The following AIG1 variants were observed in gnomAD, a reference collection of about 807,000 sequenced individuals.
AIG1 encodes the protein androgen-induced gene 1 protein.
AIG1 carries 23 observed loss-of-function variants against 31.4 expected under a neutral mutation model. That is an observed-to-expected ratio of 0.73 (90% CI 0.53 to 1.04). AIG1 has a LOEUF of 1.04. Ranked by LOEUF, AIG1 falls within the 50% of genes least tolerant of loss-of-function variation. AIG1 has a pLI of 0.00. For missense variants in AIG1, 274 were observed against 295.0 expected, an observed-to-expected ratio of 0.93 and a Z score of 0.52; for synonymous variants, 100 against 110.5, an observed-to-expected ratio of 0.90 and a Z score of 0.60.
intron 4 of AIG1, among the ~76,000 whole-genome samples, chr6:143,304,655 A>G (rs1171448073): frequency 1.3e-5 from 2 of 151,442 alleles, no homozygotes; most frequent in Non-Finnish European, 2.9e-5. Flanking sequence ...TTTTTGCATC[A>G]ATGTTCATCA....
chr6:143,277,519 A>C (rs1273219612), intron 3 of AIG1, among the ~76,000 whole-genome samples: 4 of 152,214 alleles, frequency 2.6e-5, no homozygotes, highest in African/African-American at 9.7e-5. Context: ...GCACATGCAC[A>C]CTGCCATCTT....
At chr6:143,159,109 C>G (rs1786081142) in intron 2 of AIG1, among the ~76,000 whole-genome samples, 1 of 152,156 alleles carries the variant, frequency 6.6e-6, no homozygotes, top group African/African-American at 2.4e-5. Context: ...GCTATTTAAG[C>G]TAGATGTGAA....
At chr6:143,071,010 G>A (rs1487608611) in intron 1 of AIG1, among the ~76,000 whole-genome samples, 1 of 152,168 alleles carries the variant, frequency 6.6e-6, no homozygotes, top group Admixed American at 6.5e-5. Flanking sequence ...CCAAGATATT[G>A]ATATTAAAAC....
At chr6:143,204,977 T>G (rs1376163781) in intron 3 of AIG1, among the ~76,000 whole-genome samples, 1 of 152,156 alleles carries the variant, frequency 6.6e-6, no homozygotes, top group Non-Finnish European at 1.5e-5. Flanking sequence ...GTTTCCTCAT[T>G]CTGATAATTT....
At chr6:143,254,765 G>A (rs1795260165) in intron 3 of AIG1, among the ~76,000 whole-genome samples, 1 of 152,098 alleles carries the variant, frequency 6.6e-6, no homozygotes, top group South Asian at 2.1e-4. Flanking sequence ...TGTATTCCTA[G>A]CAAGCGTGGT....
chr6:143,110,781 T>C (rs564743266), intron 1 of AIG1, among the ~76,000 whole-genome samples: 1 of 152,312 alleles, frequency 6.6e-6, no homozygotes, highest in Admixed American at 6.5e-5. Context: ...GCAGCAGATG[T>C]GTGTGGGAAG....
chr6:143,323,483 C>T (rs189447897), intron 4 of AIG1, among the ~76,000 whole-genome samples: 9 of 152,274 alleles, frequency 5.9e-5, no homozygotes, highest in Admixed American at 5.9e-4. Flanking sequence ...TGTAAACCCA[C>T]TGTATATCAA....
intron 3 of AIG1, among the ~76,000 whole-genome samples, chr6:143,209,739 GC>G (rs150436221): frequency 6.6e-6 from 1 of 152,128 alleles, no homozygotes; most frequent in African/African-American, 2.4e-5. Context: ...ATTGTTGTAG[GC>G]CCCCAAGTTC....
intron 3 of AIG1, among the ~76,000 whole-genome samples, chr6:143,197,275 T>G (rs1309646524): frequency 6.6e-6 from 1 of 152,198 alleles, no homozygotes; most frequent in Non-Finnish European, 1.5e-5. Flanking sequence ...TTAAAGCAAT[T>G]ATTTTTACTT....
At chr6:143,189,074 C>G (rs1385115178) in intron 3 of AIG1, 1 of 907,876 alleles carries the variant, frequency 1.1e-6, no homozygotes, top group African/African-American at 1.8e-5. Flanking sequence ...AAGAGTCTCA[C>G]TGTGTCATCC....
At chr6:143,253,978 T>G (rs1274567353) in intron 3 of AIG1, among the ~76,000 whole-genome samples, 2 of 152,088 alleles carry the variant, frequency 1.3e-5, no homozygotes, top group Non-Finnish European at 2.9e-5. Flanking sequence ...CTTTTTGAAG[T>G]CTTCTCTCGC....
chr6:143,229,311 C>A (rs1440211323), intron 3 of AIG1, among the ~76,000 whole-genome samples: 5 of 152,102 alleles, frequency 3.3e-5, no homozygotes, highest in Admixed American at 3.3e-4. Context: ...ACTTTTTTAA[C>A]CTTTTAGTTT....
intron 3 of AIG1, chr6:143,189,422 A>G: frequency 2.0e-6 from 2 of 981,356 alleles, no homozygotes; most frequent in African/African-American, 3.5e-5. Flanking sequence ...TAAGAATAGT[A>G]AAGTATTTGC....
At chr6:143,148,829 A>G (rs7753536) in intron 2 of AIG1, among the ~76,000 whole-genome samples, 83 of 151,930 alleles carry the variant, frequency 5.5e-4, no homozygotes, top group African/African-American at 1.9e-3. Flanking sequence ...CAAAAAAAAA[A>G]AGAGAGAGAG....
chr6:143,113,797 C>G (rs1295924599), intron 1 of AIG1, among the ~76,000 whole-genome samples: 1 of 150,964 alleles, frequency 6.6e-6, no homozygotes, highest in African/African-American at 2.4e-5. Context: ...TTTTTTGAGA[C>G]GGAGTCTCCC....
At chr6:143,320,856 T>A (rs377525537) in intron 4 of AIG1, among the ~76,000 whole-genome samples, 8 of 151,456 alleles carry the variant, frequency 5.3e-5, no homozygotes, top group African/African-American at 1.7e-4. Context: ...AGTTTCGCTC[T>A]TGTTGCCCAG....
At chr6:143,244,062 C>T (rs78807090) in intron 3 of AIG1, among the ~76,000 whole-genome samples, 8,286 of 152,278 alleles carry the variant, frequency 0.054, 311 homozygotes, top group Non-Finnish European at 0.082. Context: ...ACACATGACA[C>T]CTGCCCTCAA....
In AIG1 at chr6:143,329,788, T is replaced by C. The variant is rs1351623325; in HGVS notation, c.516-3494T>C. On this transcript the variant is annotated intron_variant, in intron 4 of 5. Coordinates refer to ENST00000357847, the MANE Select transcript of AIG1 (RefSeq NM_016108.4). This position sits in a 1 kb window ranked among gnomAD's most constrained non-coding sequence, Gnocchi z 4.9. ...TATTTCATGATGTGAAAATTACATC[T>C]AATTCAAATTTCAGTGTCTATAAAT... 6.6e-6 allele frequency among the ~76,000 whole-genome samples: 1 copy of C among 152,214 alleles called. No individual in the cohort carries two copies. The highest frequency in any genetic ancestry group is 1.5e-5 in the Non-Finnish European group (1 of 68,046).
intron 3 of AIG1, among the ~76,000 whole-genome samples, chr6:143,194,135 T>C (rs541137769): frequency 6.6e-6 from 1 of 152,320 alleles, no homozygotes; most frequent in Non-Finnish European, 1.5e-5. Context: ...GGAGACTAGA[T>C]AATTTATAAA....
Sources: allele counts gnomAD v4.1 joint callset (sites outside exome capture counted in the v4.1 genomes callset), GRCh38; gene constraint gnomAD v4.1.1; non-coding constraint Gnocchi (gnomAD v3.1); transcripts MANE v1.5; gene names NCBI Gene and HGNC (gene_info 2026-07-23, HGNC 2026-07-21).